The following STXBP6 variants were observed in gnomAD, a reference collection of about 807,000 sequenced individuals.
The protein encoded by STXBP6 is syntaxin-binding protein 6.
STXBP6 carries 21 observed loss-of-function variants against 26.9 expected under a neutral mutation model. That is an observed-to-expected ratio of 0.78 (90% confidence interval 0.55 to 1.12). The LOEUF is 1.12. STXBP6 is among the 50% of genes most tolerant of loss of function. The probability of loss-of-function intolerance (pLI) is 0.00; values close to 1 mark genes in which losing one functional copy is unlikely to be tolerated. For missense variants in STXBP6, 232 were observed against 257.9 expected, an observed-to-expected ratio of 0.90 and a Z score of 0.69; for synonymous variants, 97 against 92.6, an observed-to-expected ratio of 1.05 and a Z score of -0.27.
At chr14:24,869,832 A>G (rs947226334) in intron 2 of STXBP6, among the ~76,000 whole-genome samples, 1 of 152,188 alleles carries the variant, frequency 6.6e-6, no homozygotes, top group African/African-American at 2.4e-5. Flanking sequence ...GCATTACTCT[A>G]TGACAGAGAG....
intron 4 of STXBP6, 27 bp from the exon 5 acceptor site, chr14:24,819,221 G>A: frequency 6.2e-7 from 1 of 1,613,510 alleles, no homozygotes; most frequent in Middle Eastern, 1.6e-4. Context: ...AGGAGCATCA[G>A]AAACTGGCTC....
chr14:24,926,707 A>T (rs2072184118), intron 2 of STXBP6, among the ~76,000 whole-genome samples: 1 of 152,188 alleles, frequency 6.6e-6, no homozygotes, highest in Non-Finnish European at 1.5e-5. Context: ...GGTTAAGAGC[A>T]GCCTCTGAAT....
chr14:25,025,643 C>A (rs530121620), intron 1 of STXBP6, among the ~76,000 whole-genome samples: 4 of 152,230 alleles, frequency 2.6e-5, no homozygotes, highest in Non-Finnish European at 5.9e-5. Context: ...TCATTGCCAC[C>A]GCATCCCTCA....
At position 24,961,067 on chromosome 14, in the gene STXBP6, A is replaced by G. The variant is rs536400119; in HGVS notation, c.154+13598T>C. Among the ~76,000 whole-genome samples the G allele has an allele frequency of 6.0e-4, 91 of 152,310 alleles. 1 individual carries two copies. Among genetic ancestry groups the G allele is most frequent in the African/African-American group, 2.1e-3 (87 of 41,570 alleles). Reference sequence around the variant, plus strand: ...TGAGAATGACTAAGGATTCTTGTGGACATAAAAATCTAAAGTTCTAAAGAA... The same window carrying G: ...TGAGAATGACTAAGGATTCTTGTGGGCATAAAAATCTAAAGTTCTAAAGAA... On this transcript the variant is annotated intron_variant, in intron 2 of 5. Transcript: ENST00000323944.
intron 2 of STXBP6, among the ~76,000 whole-genome samples, chr14:24,902,607 A>G (rs1470608664): frequency 2.0e-5 from 3 of 152,244 alleles, no homozygotes; most frequent in East Asian, 1.9e-4. Flanking sequence ...ATTCACTAAC[A>G]TATTAGAGCT....
At chr14:24,983,942 T>A (rs2074263192) in intron 1 of STXBP6, among the ~76,000 whole-genome samples, 1 of 152,216 alleles carries the variant, frequency 6.6e-6, no homozygotes, top group Admixed American at 6.5e-5. Flanking sequence ...AAAACTTCTT[T>A]AAAGTATTCT....
chr14:25,005,017 C>A (rs1230295293), intron 1 of STXBP6, among the ~76,000 whole-genome samples: 1 of 152,122 alleles, frequency 6.6e-6, no homozygotes, highest in Admixed American at 6.5e-5. Flanking sequence ...ACCACACAGT[C>A]ACAGTATTAG....
chr14:24,891,090 G>A (rs1490588941), intron 2 of STXBP6, among the ~76,000 whole-genome samples: 1 of 151,994 alleles, frequency 6.6e-6, no homozygotes, highest in Admixed American at 6.6e-5. Flanking sequence ...TTATGTCCTT[G>A]TTCTCCAGGA....
chr14:24,981,151 A>G (rs904251101), intron 1 of STXBP6, among the ~76,000 whole-genome samples: 1 of 152,262 alleles, frequency 6.6e-6, no homozygotes, highest in African/African-American at 2.4e-5. Context: ...AAGTTTACAT[A>G]GCACTTCATG....
intron 1 of STXBP6, among the ~76,000 whole-genome samples, chr14:25,041,157 C>CTCTAATTTTG (rs964217946): frequency 5.3e-5 from 8 of 151,924 alleles, no homozygotes; most frequent in Non-Finnish European, 1.0e-4. Flanking sequence ...CCAGTCTCTA[C>CTCTAATTTTG]TAAAAATACA....
chr14:24,889,802 A>T (rs1312629), intron 2 of STXBP6, among the ~76,000 whole-genome samples: 51,901 of 152,062 alleles, frequency 0.34, 9,061 homozygotes, highest in East Asian at 0.43. Flanking sequence ...TTGCAGAGAA[A>T]ATAATTCATG....
chr14:24,860,892 A>G (rs1211469828), intron 2 of STXBP6, among the ~76,000 whole-genome samples: 2 of 146,646 alleles, frequency 1.4e-5, no homozygotes, highest in Non-Finnish European at 3.1e-5. Context: ...TATGATTTTA[A>G]AGGAAACAAT....
At chr14:24,873,054 A>G (rs1333016829) in intron 2 of STXBP6, among the ~76,000 whole-genome samples, 1 of 152,152 alleles carries the variant, frequency 6.6e-6, no homozygotes, top group Admixed American at 6.5e-5. Context: ...TGTACATCTT[A>G]TTCATTCTAT....
chr14:25,008,439 A>C (rs1446768186), intron 1 of STXBP6, among the ~76,000 whole-genome samples: 1 of 152,138 alleles, frequency 6.6e-6, no homozygotes, highest in East Asian at 1.9e-4. Context: ...AGCCATGAGC[A>C]CACCACTGCA....
chr14:24,839,545 G>T (rs772465964), intron 4 of STXBP6, among the ~76,000 whole-genome samples: 1 of 152,036 alleles, frequency 6.6e-6, no homozygotes. Flanking sequence ...TTCTGTGTTT[G>T]AATAATCACA....
chr14:24,833,292 G>C (rs1436958157), intron 4 of STXBP6, among the ~76,000 whole-genome samples: 1 of 152,132 alleles, frequency 6.6e-6, no homozygotes, highest in Non-Finnish European at 1.5e-5. Flanking sequence ...GTAGGAATCT[G>C]GTTCTGTTTC....
At chr14:24,919,392 G>T (rs1280106469) in intron 2 of STXBP6, among the ~76,000 whole-genome samples, 2 of 150,772 alleles carry the variant, frequency 1.3e-5, no homozygotes, top group South Asian at 4.2e-4. Flanking sequence ...TAATTCTTCA[G>T]AAAAACATCT....
At chr14:25,023,086 T>C (rs1205125071) in intron 1 of STXBP6, among the ~76,000 whole-genome samples, 3 of 152,228 alleles carry the variant, frequency 2.0e-5, no homozygotes, top group Non-Finnish European at 4.4e-5. Flanking sequence ...CTGAAAACTC[T>C]TAGCAGAATT....
In STXBP6 at chr14:24,968,365, C is replaced by T. The variant is rs142171171; in HGVS notation, c.154+6300G>A. Among the ~76,000 whole-genome samples the T allele has an allele frequency of 3.2e-3, 479 of 151,938 alleles. 4 individuals are homozygous for T. Among genetic ancestry groups the T allele is most frequent in the East Asian group, 0.023 (119 of 5,158 alleles). On this transcript the variant is annotated intron_variant, in intron 2 of 5. Coordinates refer to ENST00000323944, the MANE Select transcript of STXBP6 (RefSeq NM_001394410.1). ...AAATTTCATCTGTCTTGTCTCTTCC[C>T]TCTCTTCTAATATTTATAGACTTTG...
Sources: allele counts gnomAD v4.1 joint callset (sites outside exome capture counted in the v4.1 genomes callset), GRCh38; gene constraint gnomAD v4.1.1; transcripts MANE v1.5; gene names NCBI Gene and HGNC (gene_info 2026-07-23, HGNC 2026-07-21).